PAQR7: variants seen among roughly 807,000 people sequenced by gnomAD.
PAQR7 encodes the protein membrane progestin receptor alpha.
In PAQR7, 14 loss-of-function variants were observed where a neutral mutation model predicts 24.6. The observed-to-expected ratio is 0.57, with a 90% CI of 0.38 to 0.89. The LOEUF is 0.89. PAQR7 is among the 40% of genes least tolerant of loss of function. The pLI is 0.00. For missense variants in PAQR7, 351 were observed against 444.0 expected (o/e 0.79, Z 1.88); for synonymous variants, 189 against 198.8 (o/e 0.95, Z 0.42).
rs1214288178 is a variant in PAQR7, at chr1:25,863,620, T to A, written c.220A>T (p.Asn74Tyr). The change falls in exon 3 of 3, where the codon AAT (asparagine) becomes TAT (tyrosine). Residue 74 changes from asparagine (N) to tyrosine (Y), a missense_variant. Asn to Tyr is a moderately radical substitution (Grantham distance 143, BLOSUM62 -2). Coordinates refer to ENST00000675840, the MANE Select transcript of PAQR7 (RefSeq NM_178422.6). This position sits in a 1 kb window ranked among gnomAD's most constrained non-coding sequence, Gnocchi z 6.1. ...GCCGCCAGCAGGTGGGTCCAGACAT[T>A]CACGGCCTCGTTGTGCTGCTGGAAC... Reference protein sequence around the residue: ...TLFQQHNEAVNVWTHLLAALV... With the variant: ...TLFQQHNEAVYVWTHLLAALV... 1 of 1,614,100 alleles carries A rather than the reference T, an allele frequency of 6.2e-7. No individual in the cohort carries two copies. Among genetic ancestry groups the A allele is most frequent in the Admixed American group, 1.7e-5 (1 of 60,024 alleles).
Position 25,872,550 on chromosome 1 carries a change from C to G in PAQR7, c.-108-1856G>C, listed in dbSNP as rs549306023. Reference sequence around the variant, plus strand: ...TTTTTTTTTGAGACAGGGTCATGCTCTGTCCCCCAGGCTGGAGTGCAGTGG... The same window carrying G: ...TTTTTTTTTGAGACAGGGTCATGCTGTGTCCCCCAGGCTGGAGTGCAGTGG... On this transcript the variant is annotated intron_variant, in intron 1 of 2. Coordinates refer to ENST00000675840, the MANE Select transcript of PAQR7 (RefSeq NM_178422.6). Among the ~76,000 whole-genome samples the G allele has an allele frequency of 1.4e-3, 192 of 138,814 alleles. 3 individuals carry two copies. The highest frequency in any genetic ancestry group is 5.2e-3 in the African/African-American group (189 of 36,396). 91.1% of individuals were successfully genotyped at this position (138,814 alleles called of 152,430 possible).
At chr1:25,865,104 G>GAGATCATA (rs2048545992) in intron 2 of PAQR7, among the ~76,000 whole-genome samples, 1 of 147,894 alleles carries the variant, frequency 6.8e-6, no homozygotes, top group Admixed American at 6.8e-5. Flanking sequence ...TGCAGTGCGC[G>GAGATCATA]CCACTGCACT....
intron 2 of PAQR7, among the ~76,000 whole-genome samples, chr1:25,864,687 A>G (rs1178227131): frequency 2.6e-5 from 4 of 151,844 alleles, no homozygotes; most frequent in African/African-American, 4.8e-5. Flanking sequence ...GTGAGATCCT[A>G]TCTCTACAAA....
At chr1:25,867,343 C>G (rs1249803803) in intron 2 of PAQR7, among the ~76,000 whole-genome samples, 1 of 152,180 alleles carries the variant, frequency 6.6e-6, no homozygotes, top group Non-Finnish European at 1.5e-5. Flanking sequence ...AACCACTACC[C>G]TAAAATGCAC....
At chr1:25,870,303 TG>T (rs1187770241) in intron 2 of PAQR7, among the ~76,000 whole-genome samples, 1 of 152,114 alleles carries the variant, frequency 6.6e-6, no homozygotes, top group Non-Finnish European at 1.5e-5. Flanking sequence ...CTCTCAAGCC[TG>T]GGGGCTGGTG....
rs970145935 is a variant in PAQR7, at chr1:25,874,398, T to C, written c.-109+1090A>G. Among the ~76,000 whole-genome samples the C allele has an allele frequency of 3.3e-5, 5 of 152,142 alleles. No individual in the cohort carries two copies. In the East Asian group the frequency reaches 9.6e-4, roughly 29 times the overall value. On this transcript the variant is annotated intron_variant, in intron 1 of 2. Transcript: ENST00000675840. ...CTGTGGAGCTGAGACTTACAGCTGCTCTGAGGAGGGGGAATCTCTTAGGCC... is the reference window on the plus strand; with the variant it reads ...CTGTGGAGCTGAGACTTACAGCTGCCCTGAGGAGGGGGAATCTCTTAGGCC...
At position 25,863,979 on chromosome 1, in the gene PAQR7, C is replaced by T; in HGVS notation, c.-22-118G>A. 1.3e-6 allele frequency: 1 copy of T among 741,076 alleles called. No homozygotes were observed. Among genetic ancestry groups the T allele is most frequent in the Non-Finnish European group, 2.1e-6 (1 of 465,580 alleles). The allele number at this position is 741,076 out of a possible 1,614,324, so 45.9% of individuals were successfully genotyped here. ...CCTCTCCGACAGCCTTATCCTTACA[C>T]TCGGTTTAAGAACAGAAGACTCATC... is the stretch of plus-strand genomic sequence containing the variant. On this transcript the variant is annotated intron_variant, in intron 2 of 2. Transcript: ENST00000675840. This position sits in a 1 kb window ranked among gnomAD's most constrained non-coding sequence, Gnocchi z 6.1.
intron 2 of PAQR7, among the ~76,000 whole-genome samples, chr1:25,869,279 C>A (rs1233695521): frequency 3.3e-5 from 5 of 150,694 alleles, no homozygotes; most frequent in Non-Finnish European, 5.9e-5. Context: ...TCAGAGAAGT[C>A]AAAAGCTCCC....
chr1:25,863,528 G>C lies in PAQR7; in HGVS notation c.312C>G (p.Ala104=). Residue 104 remains alanine (A), a synonymous_variant, in exon 3 of 3, where the codon GCC becomes GCG. Transcript: ENST00000675840. The surrounding 1 kb of genome is among the most constrained non-coding windows in gnomAD (Gnocchi z 6.1). Reference sequence around the variant, plus strand: ...CAAGGACAATGATGAAGAGGGGCAGGGCGTGTGGGTCTCCCCAGAAGTCCA... The same window carrying C: ...CAAGGACAATGATGAAGAGGGGCAGCGCGTGTGGGTCTCCCCAGAAGTCCA... ...ETVDFWGDPH[A]LPLFIIVLAS... 1.9e-6 allele frequency: 3 copies of C among 1,614,216 alleles called. No individual in the cohort carries two copies. The highest frequency in any genetic ancestry group is 2.5e-6 in the Non-Finnish European group (3 of 1,180,042).
At chr1:25,865,168 C>T (rs998735255) in intron 2 of PAQR7, among the ~76,000 whole-genome samples, 1 of 17,230 alleles carries the variant, frequency 5.8e-5, no homozygotes, top group African/African-American at 7.5e-4. Flanking sequence ...AAACCACAAA[C>T]AAAAAAACAT....
At chr1:25,869,831 C>T (rs1350204886) in intron 2 of PAQR7, among the ~76,000 whole-genome samples, 5 of 152,166 alleles carry the variant, frequency 3.3e-5, no homozygotes, top group African/African-American at 9.7e-5. Flanking sequence ...TACCTGCTTG[C>T]ACCTGATCTT....
At chr1:25,867,989 C>T (rs757465713) in intron 2 of PAQR7, among the ~76,000 whole-genome samples, 4 of 152,202 alleles carry the variant, frequency 2.6e-5, no homozygotes, top group Non-Finnish European at 4.4e-5. Context: ...CACTAATTGA[C>T]GGGGCCACTT....
At chr1:25,865,915 G>A (rs1418410904) in intron 2 of PAQR7, among the ~76,000 whole-genome samples, 1 of 151,828 alleles carries the variant, frequency 6.6e-6, no homozygotes, top group East Asian at 1.9e-4. Flanking sequence ...GAACCAAGGA[G>A]GCGTAGGTTG....
Position 25,862,829 on chromosome 1 carries a change from T to C in PAQR7, c.1011A>G (p.Val337=), listed in dbSNP as rs1203482740. ...ILTAFLLSQL[V]QRKLDQKTK ...TGGTCTTCTGATCAAGTTTGCGCTG[T>C]ACCAGCTGGCTCAGGAGGAATGCAG... Residue 337 remains valine, a synonymous_variant, in exon 3 of 3, where the codon GTA becomes GTG. Transcript: ENST00000675840. The C allele has an allele frequency of 1.9e-6, 3 of 1,614,056 alleles. No individual in the cohort carries two copies. Among genetic ancestry groups the C allele is most frequent in the Non-Finnish European group, 2.5e-6 (3 of 1,179,986 alleles).
chr1:25,865,450 G>A (rs866554990), intron 2 of PAQR7, among the ~76,000 whole-genome samples: 35 of 152,238 alleles, frequency 2.3e-4, no homozygotes, highest in South Asian at 1.4e-3. Context: ...TGAGGCAGGC[G>A]GATCACCTGA....
rs765911826 is a variant in PAQR7, at chr1:25,862,769, ACCTC to A, written c.*26_*29del. On this transcript the variant is annotated 3_prime_UTR_variant, in exon 3 of 3. Coordinates refer to ENST00000675840, the MANE Select transcript of PAQR7 (RefSeq NM_178422.6). Reference sequence around the variant, plus strand: ...ACCCAGACCCCTGTCCCCCAACTATACCTCCCTCCCTACCAGATGCCATCCCCCT... The same window carrying A: ...ACCCAGACCCCTGTCCCCCAACTATACCTCCCTACCAGATGCCATCCCCCT... The A allele has an allele frequency of 1.0e-5, 16 of 1,587,710 alleles. No homozygotes were observed. In the East Asian group the frequency reaches 2.5e-4, roughly 24 times the overall value.
chr1:25,874,420 G>A (rs1471627396), intron 1 of PAQR7, among the ~76,000 whole-genome samples: 2 of 152,194 alleles, frequency 1.3e-5, no homozygotes, highest in East Asian at 3.8e-4. Flanking sequence ...GAATCTCTTA[G>A]GCCCAGAGAG....
intron 2 of PAQR7, among the ~76,000 whole-genome samples, chr1:25,869,094 T>TGGG (rs2048582171): frequency 6.6e-6 from 1 of 151,818 alleles, no homozygotes; most frequent in South Asian, 2.1e-4. Flanking sequence ...ACTACTGCAC[T>TGGG]CAAGCCTGGG....
chr1:25,864,364 C>G (rs2048539570), intron 2 of PAQR7, among the ~76,000 whole-genome samples: 1 of 152,136 alleles, frequency 6.6e-6, no homozygotes, highest in African/African-American at 2.4e-5. Context: ...CCTACTGACC[C>G]TCCATTACCC....
Sources: gnomAD v4.1 joint callset for allele counts (sites outside exome capture counted in the v4.1 genomes callset) on GRCh38, gnomAD v4.1.1 for gene constraint, Gnocchi (gnomAD v3.1) non-coding constraint, MANE v1.5 for transcripts, NCBI Gene and HGNC (gene_info 2026-07-23, HGNC 2026-07-21) for gene names.